BRCA2: variants seen among roughly 807,000 people sequenced by gnomAD.
BRCA2 encodes breast cancer type 2 susceptibility protein.
BRCA2 carries 203 observed loss-of-function variants against 276.7 expected under a neutral mutation model. The ratio of observed to expected loss-of-function variants is 0.73; its 90% CI spans 0.65 to 0.82. BRCA2 has a LOEUF of 0.82. Among genes scored for constraint, BRCA2 ranks in the 40% least tolerant of loss-of-function variants. The probability of loss-of-function intolerance (pLI) is 0.00; values close to 1 mark genes in which losing one functional copy is unlikely to be tolerated. For synonymous variants in BRCA2, 1,289 were observed against 1,338.4 expected, an observed-to-expected ratio of 0.96 and a Z score of 0.81; for missense variants, 3,920 against 3,915.0, an observed-to-expected ratio of 1.00 and a Z score of -0.03.
In BRCA2 at chr13:32,340,369, A is replaced by C. The variant is rs876658259; in HGVS notation, c.6014A>C (p.Asp2005Ala). Residue 2005 changes from aspartate (D) to alanine (A), a missense_variant, in exon 11 of 27, where the codon GAT becomes GCT. Asp to Ala is a moderately radical substitution (Grantham distance 126). Around this residue, in one of 2 missense-constraint regions of BRCA2, gnomAD observed 3,263 missense variants for 3,156.9 expected, o/e 1.03. Coordinates refer to ENST00000380152, the MANE Select transcript of BRCA2 (RefSeq NM_000059.4). Reference protein sequence around the residue: ...NARQVFSEIEDSTKQVFSKVL... With the variant: ...NARQVFSEIEASTKQVFSKVL... The stretch of plus-strand genomic sequence containing the variant: ...AGACAAGTGTTTTCTGAAATAGAAG[A>C]TAGTACCAAGCAAGTCTTTTCCAAA... 1 of 1,613,978 alleles carries C rather than the reference A, an allele frequency of 6.2e-7. No homozygotes were observed.
intron 19 of BRCA2, 134 bp downstream of exon 19, chr13:32,370,691 T>A (rs1450123814): frequency 9.5e-7 from 1 of 1,051,038 alleles, no homozygotes; most frequent in Non-Finnish European, 1.4e-6. Flanking sequence ...CACTGCAGCC[T>A]CCACCTCCCG....
chr13:32,355,430 G>A, intron 14 of BRCA2, 142 bp downstream of exon 14: 1 of 970,768 alleles, frequency 1.0e-6, no homozygotes, highest in South Asian at 1.6e-5. Context: ...TAAATCCAAA[G>A]ATTAGGTTTA....
intron 13 of BRCA2, among the ~76,000 whole-genome samples, chr13:32,352,040 ATC>A (rs1230904917): frequency 1.3e-5 from 2 of 152,096 alleles, no homozygotes; most frequent in East Asian, 3.9e-4. Flanking sequence ...TGACCTCGTG[ATC>A]CGCCCACCTT....
In BRCA2 at chr13:32,394,926, C is replaced by A. The variant is rs1064796569; in HGVS notation, c.9494C>A (p.Thr3165Asn). 1.2e-6 allele frequency: 2 copies of A among 1,613,972 alleles called. No homozygotes were observed. Among genetic ancestry groups the A allele is most frequent in the East Asian group, 2.2e-5 (1 of 44,864 alleles). The change falls in exon 25 of 27, where the codon ACT (threonine) becomes AAT (asparagine). Residue 3165 changes from threonine (T) to asparagine (N), a missense_variant. Physicochemically the swap from Thr to Asn is moderately conservative, Grantham distance 65. Transcript: ENST00000380152. The part of the protein sequence containing the change: ...FQETFNKMKN[T>N]VENIDILCNE... ...GAGACATTCAACAAAATGAAAAATA[C>A]TGTTGAGGTAAGGTTACTTTTCAGC...
chr13:32,322,238 T>A (rs1436413526), intron 3 of BRCA2, among the ~76,000 whole-genome samples: 1 of 152,240 alleles, frequency 6.6e-6, no homozygotes. Context: ...GTTGGAATCA[T>A]ACAGAATATA....
At chr13:32,385,225 G>A in intron 24 of BRCA2, 1 of 193,368 alleles carries the variant, frequency 5.2e-6, no homozygotes, top group Non-Finnish European at 1.1e-5. Flanking sequence ...CTGTCGCCTG[G>A]ATGGCTTTAA....
intron 16 of BRCA2, among the ~76,000 whole-genome samples, chr13:32,358,877 T>G (rs2072719596): frequency 6.6e-6 from 1 of 151,560 alleles, no homozygotes; most frequent in South Asian, 2.1e-4. Context: ...GAGGTTGCAG[T>G]GAGCCAAGAT....
chr13:32,322,364 A>G (rs929553936), intron 3 of BRCA2, among the ~76,000 whole-genome samples: 3 of 152,210 alleles, frequency 2.0e-5, no homozygotes, highest in Admixed American at 1.3e-4. Context: ...AGCGGTGTGG[A>G]GTGGGAAATC....
intron 20 of BRCA2, among the ~76,000 whole-genome samples, chr13:32,376,124 A>G (rs745981159): frequency 6.6e-6 from 1 of 152,208 alleles, no homozygotes; most frequent in Admixed American, 6.5e-5. Context: ...AGTGAAATAC[A>G]TTAAAACAAA....
At chr13:32,362,742 A>G in intron 17 of BRCA2, 49 bp downstream of exon 17, 1 of 1,599,770 alleles carries the variant, frequency 6.3e-7, no homozygotes, top group Non-Finnish European at 8.6e-7. Context: ...AGTATGGTTA[A>G]GGTTTCTGTG....
At position 32,337,004 on chromosome 13, in the gene BRCA2, CTCAGACAATGA is replaced by C; in HGVS notation, c.2650_2660del (p.Ser884GlufsTer2). On this transcript the variant is annotated frameshift_variant, in exon 11 of 27. Transcript: ENST00000380152. LOFTEE classifies it high-confidence loss of function. ...TCAATCCAGACTCTGAAGAACTTTT[CTCAGACAATGA>C]GAATAATTTTGTCTTCCAAGTAGCT... 1 of 1,588,224 alleles carries C rather than the reference CTCAGACAATGA, an allele frequency of 6.3e-7. No homozygotes were observed. Among genetic ancestry groups the C allele is most frequent in the Non-Finnish European group, 8.5e-7 (1 of 1,171,930 alleles).
intron 16 of BRCA2, among the ~76,000 whole-genome samples, chr13:32,362,021 T>G (rs2137575258): frequency 6.6e-6 from 1 of 152,214 alleles, no homozygotes; most frequent in African/African-American, 2.4e-5. Flanking sequence ...AAGTGGAATT[T>G]TTTGTTTTGT....
At chr13:32,353,196 C>A (rs567573476) in intron 13 of BRCA2, among the ~76,000 whole-genome samples, 17 of 152,244 alleles carry the variant, frequency 1.1e-4, no homozygotes, top group African/African-American at 4.1e-4. Context: ...AAAGAACAGC[C>A]TTTCTTAAGT....
Position 32,367,008 on chromosome 13 carries a change from A to G in BRCA2, c.8332-3394A>G, listed in dbSNP as rs11839855. On this transcript the variant is annotated intron_variant, in intron 18 of 26. Coordinates refer to ENST00000380152, the MANE Select transcript of BRCA2 (RefSeq NM_000059.4). The stretch of plus-strand genomic sequence containing the variant: ...ATTCCAGATTCAGAGGAGGAAATAT[A>G]TGAATCTGGAAAGTCTTGACATACC... Among the ~76,000 whole-genome samples the G allele has an allele frequency of 7.8e-3, 1,185 of 152,338 alleles. 18 individuals are homozygous for G. Among genetic ancestry groups the G allele is most frequent in the African/African-American group, 0.026 (1,099 of 41,564 alleles).
intron 3 of BRCA2, among the ~76,000 whole-genome samples, chr13:32,322,891 A>G (rs535406535): frequency 6.6e-6 from 1 of 152,354 alleles, no homozygotes; most frequent in South Asian, 2.1e-4. Context: ...ATTCACATAC[A>G]GGTTTGTGTG....
intron 14 of BRCA2, 130 bp from the exon 15 acceptor site, chr13:32,356,298 G>A (rs566140166): frequency 1.7e-5 from 14 of 846,478 alleles, no homozygotes; most frequent in African/African-American, 8.5e-5. Flanking sequence ...TTGAACTCCC[G>A]ACCTCAGATG....
chr13:32,338,554 A>T lies in BRCA2; in HGVS notation c.4199A>T (p.His1400Leu), dbSNP rs1454140894. 6.3e-7 allele frequency: 1 copy of T among 1,598,120 alleles called. No individual in the cohort carries two copies. Among genetic ancestry groups the T allele is most frequent in the Non-Finnish European group, 8.5e-7 (1 of 1,173,480 alleles). ...LEVAKAQEAC[H>L]GNTSNKEQLT... ...GTTGCGAAAGCTCAAGAAGCATGTCATGGTAATACTTCAAATAAAGAACAG... is the reference window on the plus strand; with the variant it reads ...GTTGCGAAAGCTCAAGAAGCATGTCTTGGTAATACTTCAAATAAAGAACAG... The change falls in exon 11 of 27, where the codon CAT becomes CTT. Residue 1400 changes from histidine to leucine, a missense_variant. This residue lies in a region of BRCA2 where 3,263 missense variants were observed against 3,156.9 expected (regional missense o/e 1.03). Transcript: ENST00000380152.
chr13:32,332,334 T>C lies in BRCA2; in HGVS notation c.856T>C (p.Ser286Pro), dbSNP rs80359111. 1.7e-5 allele frequency: 28 copies of C among 1,601,596 alleles called. No individual in the cohort carries two copies. Among genetic ancestry groups the C allele is most frequent in the Admixed American group, 5.2e-5 (3 of 57,486 alleles). ...TAGCTGCAAAGACCACATTGGAAAG[T>C]CAATGCCAAATGTCCTAGAAGATGA... is the stretch of plus-strand genomic sequence containing the variant. ...VNSCKDHIGKSMPNVLEDEVY... is the reference protein window; with the variant it reads ...VNSCKDHIGKPMPNVLEDEVY... The change falls in exon 10 of 27, where the codon TCA becomes CCA. Residue 286 changes from serine to proline, a missense_variant. Physicochemically the swap from Ser to Pro is moderately conservative, Grantham distance 74. Coordinates refer to ENST00000380152, the MANE Select transcript of BRCA2 (RefSeq NM_000059.4).
chr13:32,371,173 AT>A, intron 20 of BRCA2, 73 bp downstream of exon 20: 4 of 1,472,188 alleles, frequency 2.7e-6, no homozygotes, highest in Non-Finnish European at 9.4e-7. Context: ...TGAATTTAAC[AT>A]TTTTAATGAG....
Sources: allele counts gnomAD v4.1 joint callset (sites outside exome capture counted in the v4.1 genomes callset), GRCh38; gene constraint gnomAD v4.1.1; regional missense constraint gnomAD v4.1.1; transcripts MANE v1.5; gene names NCBI Gene and HGNC (gene_info 2026-07-23, HGNC 2026-07-21).